The following EFHD1 variants were observed in gnomAD, a reference collection of about 807,000 sequenced individuals.
The protein encoded by EFHD1 is EF-hand domain-containing protein D1.
Under a neutral mutation model 17.2 loss-of-function variants are expected in EFHD1, and 10 were observed. That is an observed-to-expected ratio of 0.58 (90% confidence interval 0.36 to 0.99). The LOEUF (loss-of-function observed/expected upper bound fraction) is 0.99. Ranked by LOEUF, EFHD1 falls within the 50% of genes least tolerant of loss-of-function variation. The pLI is 0.01. For synonymous variants in EFHD1, 153 were observed against 142.0 expected, an observed-to-expected ratio of 1.08 and a Z score of -0.55; for missense variants, 310 against 327.5, an observed-to-expected ratio of 0.95 and a Z score of 0.41.
rs558922093 is a variant in EFHD1 at position 232,607,721 on chromosome 2, T to G, written c.14+1548T>G. 3.3e-5 allele frequency among the ~76,000 whole-genome samples: 5 copies of G among 150,754 alleles called. No individual in the cohort carries two copies. The South Asian group carries it at 1.1e-3, about 32-fold the overall frequency. Reference sequence around the variant, plus strand: ...GTGAGCTGTGATTGGGCCACTGCACTCCAGCCTGGGCAACAGAGCAAGACC... The same window carrying G: ...GTGAGCTGTGATTGGGCCACTGCACGCCAGCCTGGGCAACAGAGCAAGACC... On this transcript the variant is annotated intron_variant, in intron 1 of 3. Coordinates refer to the EFHD1 transcript ENST00000409613.
intron 1 of EFHD1, among the ~76,000 whole-genome samples, chr2:232,613,903 CAA>C (rs1693864433): frequency 6.8e-6 from 1 of 145,996 alleles, no homozygotes; most frequent in Non-Finnish European, 1.5e-5. Context: ...CAAACACATA[CAA>C]ATATACACAC....
intron 3 of EFHD1, among the ~76,000 whole-genome samples, chr2:232,681,156 A>AAAAT (rs901722508): frequency 3.7e-4 from 57 of 152,208 alleles, no homozygotes; most frequent in African/African-American, 7.9e-4. Context: ...ACTCCATCTC[A>AAAAT]AAATAAATAA....
chr2:232,624,652 G>A (rs574384344), intron 1 of EFHD1, among the ~76,000 whole-genome samples: 1 of 152,374 alleles, frequency 6.6e-6, no homozygotes, highest in East Asian at 1.9e-4. Flanking sequence ...AAAGTTGTGT[G>A]AATCACTTTA....
At chr2:232,669,568 A>G (rs1354424965) in intron 2 of EFHD1, among the ~76,000 whole-genome samples, 1 of 145,652 alleles carries the variant, frequency 6.9e-6, no homozygotes, top group South Asian at 2.2e-4. Flanking sequence ...CTATCACTCT[A>G]CTTTAAGTAG....
At chr2:232,677,207 T>TACACAC (rs61607311) in intron 3 of EFHD1, among the ~76,000 whole-genome samples, 6,848 of 131,212 alleles carry the variant, frequency 0.052, 225 homozygotes, top group Middle Eastern at 0.056. Flanking sequence ...ACCCCATCTC[T>TACACAC]ACACACACAC....
rs148380176 is a variant in EFHD1, at chr2:232,644,320, G to A, written c.302+10314G>A. Among the ~76,000 whole-genome samples, 551 of 151,892 alleles carry A rather than the reference G, an allele frequency of 3.6e-3. 2 individuals are homozygous for A. The highest frequency in any genetic ancestry group is 7.5e-3 in the Admixed American group (114 of 15,242). Reference sequence around the variant, plus strand: ...TCGGGGGTGCCATGCCCCTGATTTCGTCTCCTCTTAGAAGGGGCTCCAGCT... The same window carrying A: ...TCGGGGGTGCCATGCCCCTGATTTCATCTCCTCTTAGAAGGGGCTCCAGCT... On this transcript the variant is annotated intron_variant, in intron 1 of 3. Coordinates refer to ENST00000264059, the MANE Select transcript of EFHD1 (RefSeq NM_025202.4).
At chr2:232,659,194 A>G (rs1694814801) in intron 1 of EFHD1, among the ~76,000 whole-genome samples, 2 of 152,138 alleles carry the variant, frequency 1.3e-5, no homozygotes, top group South Asian at 2.1e-4. Context: ...TGTGTCCTTT[A>G]GTGCTTTGCA....
At chr2:232,621,929 T>TAAAACTATCCTG (rs1694025222) in intron 1 of EFHD1, among the ~76,000 whole-genome samples, 2 of 152,222 alleles carry the variant, frequency 1.3e-5, no homozygotes, top group Admixed American at 1.3e-4. Context: ...AGAGCCAGGA[T>TAAAACTATCCTG]AGTTTATTAT....
intron 1 of EFHD1, among the ~76,000 whole-genome samples, chr2:232,637,610 C>G (rs930819169): frequency 4.6e-5 from 7 of 152,130 alleles, no homozygotes; most frequent in Non-Finnish European, 1.0e-4. Context: ...TCCCAAAACG[C>G]TGGGATTACA....
intron 1 of EFHD1, among the ~76,000 whole-genome samples, chr2:232,653,369 C>T (rs1052710994): frequency 2.0e-5 from 3 of 152,176 alleles, no homozygotes; most frequent in African/African-American, 7.2e-5. Context: ...TGGCTCACCA[C>T]AACCTCCACC....
At chr2:232,649,317 C>T (rs926507650) in intron 1 of EFHD1, among the ~76,000 whole-genome samples, 2 of 152,208 alleles carry the variant, frequency 1.3e-5, no homozygotes, top group Non-Finnish European at 2.9e-5. Context: ...GCGGCCCACA[C>T]AGTCACGCCT....
chr2:232,661,857 G>C (rs1387761890), intron 1 of EFHD1: 1 of 152,210 alleles, frequency 6.6e-6, no homozygotes, highest in African/African-American at 2.4e-5. Flanking sequence ...CACCACGCCT[G>C]GCTGGATATA....
At position 232,633,981 on chromosome 2, in the gene EFHD1, A is replaced by AT. The variant is rs1694262498; in HGVS notation, c.277_278insT (p.Lys93IlefsTer11). 1.9e-6 allele frequency: 3 copies of AT among 1,597,316 alleles called. No individual in the cohort carries two copies. The highest frequency in any genetic ancestry group is 2.5e-6 in the Non-Finnish European group (3 of 1,179,148). On this transcript the variant is annotated frameshift_variant, in exon 1 of 4. Coordinates refer to ENST00000264059, the MANE Select transcript of EFHD1 (RefSeq NM_025202.4). LOFTEE classifies it high-confidence loss of function. ...CCCGGAGTTCAGCCGCCGCCTCATC[A>AT]AGGACCTGGAGAGCATGTTCAAACT...
intron 1 of EFHD1, among the ~76,000 whole-genome samples, chr2:232,658,867 C>T (rs545127637): frequency 6.6e-6 from 1 of 152,080 alleles, no homozygotes; most frequent in Non-Finnish European, 1.5e-5. Flanking sequence ...AAAATTAATG[C>T]ACTGTACAGT....
chr2:232,654,333 T>A (rs1694715240), intron 1 of EFHD1, among the ~76,000 whole-genome samples: 1 of 151,642 alleles, frequency 6.6e-6, no homozygotes, highest in Admixed American at 6.6e-5. Flanking sequence ...CTTTGGGGCC[T>A]GAAAGGAAGG....
At chr2:232,660,991 A>G (rs535836112) in intron 1 of EFHD1, among the ~76,000 whole-genome samples, 2 of 151,614 alleles carry the variant, frequency 1.3e-5, no homozygotes, top group East Asian at 3.9e-4. Context: ...AACAAAACAA[A>G]ACAAAAATTA....
intron 1 of EFHD1, among the ~76,000 whole-genome samples, chr2:232,643,196 A>G (rs1694464251): frequency 6.6e-6 from 1 of 152,020 alleles, no homozygotes; most frequent in Non-Finnish European, 1.5e-5. Flanking sequence ...GAAGTGAAAA[A>G]AAAAAAGAAA....
intron 3 of EFHD1, among the ~76,000 whole-genome samples, chr2:232,672,874 C>A (rs899074579): frequency 6.6e-6 from 1 of 152,110 alleles, no homozygotes; most frequent in Non-Finnish European, 1.5e-5. Flanking sequence ...CTGCCCAGTC[C>A]CCTAAGCAGG....
chr2:232,625,954 G>C (rs796462003), intron 1 of EFHD1, among the ~76,000 whole-genome samples: 6 of 152,226 alleles, frequency 3.9e-5, no homozygotes, highest in African/African-American at 1.4e-4. Context: ...ATTTTGGGAG[G>C]CTGCGGCGGG....
Sources: allele counts gnomAD v4.1 joint callset (sites outside exome capture counted in the v4.1 genomes callset), GRCh38; gene constraint gnomAD v4.1.1; transcripts MANE v1.5; gene names NCBI Gene and HGNC (gene_info 2026-07-23, HGNC 2026-07-21).